The following ROBO1 variants were observed in gnomAD, a reference collection of about 807,000 sequenced individuals.
The protein encoded by ROBO1 is roundabout guidance receptor 1, also known as roundabout homolog 1.
A neutral mutation model predicts 195.9 loss-of-function variants in ROBO1; 149 were observed. The observed-to-expected ratio is 0.76, with a 90% CI of 0.67 to 0.87. ROBO1 has a LOEUF of 0.87. Among genes scored for constraint, ROBO1 ranks in the 40% least tolerant of loss-of-function variants. The pLI is 0.00. For missense variants in ROBO1, 1,933 were observed against 2,068.3 expected, an observed-to-expected ratio of 0.93 and a Z score of 1.27; for synonymous variants, 816 against 733.2, an observed-to-expected ratio of 1.11 and a Z score of -1.82.
chr3:79,242,889 T>A (rs1048905511), intron 2 of ROBO1, among the ~76,000 whole-genome samples: 14 of 152,086 alleles, frequency 9.2e-5, no homozygotes, highest in Non-Finnish European at 1.8e-4. Flanking sequence ...CGTGCAGGTT[T>A]GTTACATATG....
At chr3:79,325,313 C>T (rs754451069) in intron 2 of ROBO1, among the ~76,000 whole-genome samples, 2 of 152,170 alleles carry the variant, frequency 1.3e-5, no homozygotes, top group Non-Finnish European at 2.9e-5. Flanking sequence ...AATGACCTCA[C>T]ACAATATTCC....
At position 78,729,999 on chromosome 3, in the gene ROBO1, A is replaced by G. The variant is rs1334809368; in HGVS notation, c.658-12116T>C. ...TTGCTTTTTATCACCTCTTCCAACC[A>G]TCTGGCTCTAATTCTGAATTTACAT... On this transcript the variant is annotated intron_variant, in intron 5 of 30. Coordinates refer to ENST00000464233, the MANE Select transcript of ROBO1 (RefSeq NM_002941.4). Among the ~76,000 whole-genome samples the G allele has an allele frequency of 2.6e-5, 4 of 152,286 alleles. No individual in the cohort carries two copies. The South Asian group carries it at 8.3e-4, about 32-fold the overall frequency.
At chr3:78,836,279 G>A (rs967049583) in intron 4 of ROBO1, among the ~76,000 whole-genome samples, 30 of 152,142 alleles carry the variant, frequency 2.0e-4, no homozygotes, top group Admixed American at 9.8e-4. Context: ...TTGGGAGGCC[G>A]AGGCGGGCGG....
chr3:79,650,801 T>G (rs1945982051), intron 1 of ROBO1, among the ~76,000 whole-genome samples: 1 of 151,930 alleles, frequency 6.6e-6, no homozygotes, highest in African/African-American at 2.4e-5. Context: ...TTATGACATT[T>G]CTGGCAACTG....
chr3:79,671,889 A>C (rs975801721), intron 1 of ROBO1, among the ~76,000 whole-genome samples: 12 of 151,930 alleles, frequency 7.9e-5, no homozygotes, highest in Non-Finnish European at 1.8e-4. Context: ...CAAATGTTTC[A>C]TTAGCTTACT....
At chr3:78,612,296 C>A (rs59263017) in intron 28 of ROBO1, among the ~76,000 whole-genome samples, 1 of 152,084 alleles carries the variant, frequency 6.6e-6, no homozygotes, top group Non-Finnish European at 1.5e-5. Context: ...CCCACAAAAT[C>A]CTTCATGTCT....
chr3:78,657,396 C>A, intron 17 of ROBO1, 127 bp from the exon 18 acceptor site: 1 of 894,736 alleles, frequency 1.1e-6, no homozygotes, highest in Non-Finnish European at 1.6e-6. Context: ...AAGAAGTTTC[C>A]AAAGTCATTT....
intron 4 of ROBO1, among the ~76,000 whole-genome samples, chr3:78,915,575 A>G (rs2038508615): frequency 1.3e-5 from 2 of 152,186 alleles, no homozygotes; most frequent in Non-Finnish European, 2.9e-5. Flanking sequence ...ATTTTTATAA[A>G]TATCTTGTAT....
At chr3:79,018,947 C>A (rs1269976716) in intron 3 of ROBO1, 1 of 988,126 alleles carries the variant, frequency 1.0e-6, no homozygotes, top group Admixed American at 5.9e-5. Flanking sequence ...CAGCGGGCCA[C>A]CCGCGGCGGC....
At chr3:78,881,621 T>G (rs927858242) in intron 4 of ROBO1, among the ~76,000 whole-genome samples, 2 of 152,196 alleles carry the variant, frequency 1.3e-5, no homozygotes, top group Admixed American at 6.6e-5. Context: ...CCACTATTTT[T>G]CATATTCTTC....
chr3:78,774,685 T>C (rs1320912164), intron 4 of ROBO1, among the ~76,000 whole-genome samples: 1 of 152,160 alleles, frequency 6.6e-6, no homozygotes, highest in Non-Finnish European at 1.5e-5. Flanking sequence ...ATATTTTATA[T>C]GTTACAAAGC....
intron 8 of ROBO1, among the ~76,000 whole-genome samples, chr3:78,703,283 A>G (rs945863851): frequency 6.6e-6 from 1 of 152,184 alleles, no homozygotes; most frequent in African/African-American, 2.4e-5. Context: ...TAAAAAACCC[A>G]GCAGGAGTGG....
At chr3:79,029,253 C>T (rs1390669281) in intron 3 of ROBO1, among the ~76,000 whole-genome samples, 1 of 151,982 alleles carries the variant, frequency 6.6e-6, no homozygotes, top group Admixed American at 6.6e-5. Flanking sequence ...ACTTAGTTAT[C>T]CCCTTTTTCC....
chr3:79,614,404 T>C (rs1053535701), intron 1 of ROBO1, among the ~76,000 whole-genome samples: 1 of 152,022 alleles, frequency 6.6e-6, no homozygotes, highest in Non-Finnish European at 1.5e-5. Context: ...AAAAATAAAA[T>C]ATGTTGAACT....
chr3:79,402,134 T>C (rs2037388241), intron 2 of ROBO1, among the ~76,000 whole-genome samples: 1 of 151,948 alleles, frequency 6.6e-6, no homozygotes, highest in African/African-American at 2.4e-5. Flanking sequence ...TCTGCACTTA[T>C]CATGGTATCA....
chr3:78,834,433 T>C (rs182003047), intron 4 of ROBO1, among the ~76,000 whole-genome samples: 123 of 148,910 alleles, frequency 8.3e-4, no homozygotes, highest in African/African-American at 3.0e-3. Flanking sequence ...AGGAAGTAAA[T>C]ACAAATATTA....
In ROBO1 at chr3:78,960,792, ACAC is replaced by A. The variant is rs1560051746; in HGVS notation, c.173-21868_173-21866del. Reference sequence around the variant, plus strand: ...ACTCCGTATTAAAACACACACACACACACACACACACACACACACACACACACA... The same window carrying A: ...ACTCCGTATTAAAACACACACACACAACACACACACACACACACACACACA... On this transcript the variant is annotated intron_variant, in intron 3 of 30. Transcript: ENST00000464233. Among the ~76,000 whole-genome samples, 451 of 137,086 alleles carry A rather than the reference ACAC, an allele frequency of 3.3e-3. 3 individuals carry two copies. Among genetic ancestry groups the A allele is most frequent in the Middle Eastern group, 0.022 (6 of 268 alleles). The allele number at this position is 137,086 out of a possible 152,430, so 89.9% of individuals were successfully genotyped here.
At chr3:78,782,289 T>C (rs2083701099) in intron 4 of ROBO1, among the ~76,000 whole-genome samples, 1 of 152,116 alleles carries the variant, frequency 6.6e-6, no homozygotes, top group Non-Finnish European at 1.5e-5. Context: ...CTGTGCCTCC[T>C]AGGTTTAAGC....
chr3:79,192,747 A>C (rs1314247636), intron 2 of ROBO1, among the ~76,000 whole-genome samples: 1 of 151,668 alleles, frequency 6.6e-6, no homozygotes, highest in African/African-American at 2.4e-5. Flanking sequence ...AAGATGATCT[A>C]GGCCAAGAGA....
Sources: gnomAD v4.1 joint callset for allele counts (sites outside exome capture counted in the v4.1 genomes callset) on GRCh38, gnomAD v4.1.1 for gene constraint, MANE v1.5 for transcripts, NCBI Gene and HGNC (gene_info 2026-07-23, HGNC 2026-07-21) for gene names.